KCNQ3: variants seen among roughly 807,000 people sequenced by gnomAD.
KCNQ3 encodes potassium voltage-gated channel subfamily Q member 3.
KCNQ3 carries 30 observed loss-of-function variants against 92.5 expected under a neutral mutation model. The observed-to-expected ratio is 0.32, with a 90% CI of 0.24 to 0.44. KCNQ3 has a LOEUF of 0.44. Among genes scored for constraint, KCNQ3 ranks in the 20% least tolerant of loss-of-function variants. The pLI is 1.00. For missense variants in KCNQ3, 913 were observed against 1,140.3 expected (o/e 0.80, Z 2.87); for synonymous variants, 450 against 468.8 (o/e 0.96, Z 0.52).
chr8:132,442,269 T>C (rs1347292106), intron 1 of KCNQ3, among the ~76,000 whole-genome samples: 4 of 152,126 alleles, frequency 2.6e-5, no homozygotes, highest in Non-Finnish European at 4.4e-5. Flanking sequence ...TCTTCCTCCA[T>C]ATGTATCTCA....
intron 1 of KCNQ3, among the ~76,000 whole-genome samples, chr8:132,293,932 A>G (rs1470733191): frequency 1.3e-5 from 2 of 151,622 alleles, no homozygotes; most frequent in East Asian, 2.0e-4. Context: ...TAGATTCCTC[A>G]TAGGTTCTGA....
intron 9 of KCNQ3, among the ~76,000 whole-genome samples, chr8:132,154,040 T>C (rs1403125531): frequency 6.6e-6 from 1 of 151,886 alleles, no homozygotes; most frequent in Non-Finnish European, 1.5e-5. Context: ...TCTTCATTGA[T>C]AGGTAATTGT....
chr8:132,215,991 A>G (rs1814018271), intron 1 of KCNQ3, among the ~76,000 whole-genome samples: 1 of 152,214 alleles, frequency 6.6e-6, no homozygotes, highest in Admixed American at 6.5e-5. Context: ...CTGAGAGTCT[A>G]TGATTATCAG....
At chr8:132,240,335 C>T (rs566320569) in intron 1 of KCNQ3, among the ~76,000 whole-genome samples, 7 of 152,124 alleles carry the variant, frequency 4.6e-5, no homozygotes, top group Admixed American at 2.6e-4. Context: ...TACAGGCATG[C>T]GCCACCATGC....
rs1826284078 is a variant in KCNQ3 at position 132,170,276 on chromosome 8, C to T, written c.1235+58G>A. 5.5e-6 allele frequency: 7 copies of T among 1,262,950 alleles called. No homozygotes were observed. In the South Asian group the frequency reaches 8.4e-5, roughly 15 times the overall value. The allele number at this position is 1,262,950 out of a possible 1,614,324, so 78.2% of individuals were successfully genotyped here. A position where few individuals can be genotyped will look rare whatever the true frequency, so the allele number is the denominator to read the frequency against. ...ACCCGTGAGGCCACAGACACGAATA[C>T]AGACCGCAGGAGAGATGGCTGGTCA... is the stretch of plus-strand genomic sequence containing the variant. On this transcript the variant is annotated intron_variant, in intron 8 of 14. Coordinates refer to ENST00000388996, the MANE Select transcript of KCNQ3 (RefSeq NM_004519.4).
At chr8:132,148,970 A>G (rs767849926) in intron 9 of KCNQ3, among the ~76,000 whole-genome samples, 1 of 152,234 alleles carries the variant, frequency 6.6e-6, no homozygotes, top group African/African-American at 2.4e-5. Flanking sequence ...CTCCTGTTAT[A>G]AACCTCGCTA....
At chr8:132,403,989 C>T (rs999270683) in intron 1 of KCNQ3, among the ~76,000 whole-genome samples, 15 of 152,210 alleles carry the variant, frequency 9.9e-5, no homozygotes, top group African/African-American at 3.4e-4. Flanking sequence ...TCCTGAATCA[C>T]TTCTCCCTGA....
intron 1 of KCNQ3, among the ~76,000 whole-genome samples, chr8:132,383,683 T>G (rs375931122): frequency 4.6e-5 from 7 of 152,318 alleles, no homozygotes; most frequent in African/African-American, 1.4e-4. Flanking sequence ...GCCTGGTACA[T>G]GCACACACAG....
At chr8:132,320,622 C>T (rs1048076594) in intron 1 of KCNQ3, among the ~76,000 whole-genome samples, 4 of 152,092 alleles carry the variant, frequency 2.6e-5, no homozygotes, top group African/African-American at 9.7e-5. Flanking sequence ...AGCTCCCACT[C>T]TACTCAGAGG....
intron 1 of KCNQ3, among the ~76,000 whole-genome samples, chr8:132,338,565 T>G (rs763839658): frequency 1.2e-4 from 19 of 152,226 alleles, no homozygotes; most frequent in Admixed American, 3.9e-4. Context: ...GTTTTGATCA[T>G]GGCTCTTTGG....
chr8:132,143,071 A>C (rs1825347958), intron 9 of KCNQ3, among the ~76,000 whole-genome samples: 1 of 152,194 alleles, frequency 6.6e-6, no homozygotes, highest in Admixed American at 6.5e-5. Flanking sequence ...TGAGTATATG[A>C]ATGAGCAGTG....
intron 1 of KCNQ3, among the ~76,000 whole-genome samples, chr8:132,245,890 T>C (rs758706729): frequency 1.3e-5 from 2 of 152,168 alleles, no homozygotes; most frequent in Non-Finnish European, 2.9e-5. Context: ...AGGATCTACA[T>C]CTTATTTATC....
intron 1 of KCNQ3, among the ~76,000 whole-genome samples, chr8:132,411,301 T>C (rs892736489): frequency 2.6e-5 from 4 of 151,864 alleles, no homozygotes; most frequent in Non-Finnish European, 5.9e-5. Context: ...ACCTGGAGAG[T>C]GTACTGTCCC....
intron 6 of KCNQ3, among the ~76,000 whole-genome samples, chr8:132,173,183 T>C (rs996674164): frequency 2.6e-5 from 4 of 152,234 alleles, no homozygotes; most frequent in African/African-American, 4.8e-5. Flanking sequence ...AATTGGGATC[T>C]GTTTTGATTT....
intron 1 of KCNQ3, among the ~76,000 whole-genome samples, chr8:132,441,150 C>T (rs1821525409): frequency 6.6e-6 from 1 of 152,222 alleles, no homozygotes; most frequent in South Asian, 2.1e-4. Flanking sequence ...TTCCCACCCC[C>T]AACACTTGAA....
At chr8:132,136,141 AAAAAAG>A in intron 12 of KCNQ3, among the ~76,000 whole-genome samples, 1 of 149,916 alleles carries the variant, frequency 6.7e-6, no homozygotes, top group Non-Finnish European at 1.5e-5. Context: ...AAAAAAAAAA[AAAAAAG>A]AAAAGAGAAA....
chr8:132,455,208 G>A (rs1433176288), intron 1 of KCNQ3, among the ~76,000 whole-genome samples: 1 of 152,134 alleles, frequency 6.6e-6, no homozygotes, highest in African/African-American at 2.4e-5. Flanking sequence ...TCGGGTTCAA[G>A]TGATTCTCCT....
chr8:132,210,512 G>A (rs1054846777), intron 1 of KCNQ3, among the ~76,000 whole-genome samples: 8 of 152,048 alleles, frequency 5.3e-5, no homozygotes, highest in African/African-American at 9.7e-5. Context: ...AAATTACCCC[G>A]AACATGGCAG....
At chr8:132,230,464 A>T (rs1457269305) in intron 1 of KCNQ3, among the ~76,000 whole-genome samples, 1 of 151,512 alleles carries the variant, frequency 6.6e-6, no homozygotes, top group Non-Finnish European at 1.5e-5. Context: ...AGAGAGAGAG[A>T]GAGAGAGAGA....
Sources: gnomAD v4.1 joint callset for allele counts (sites outside exome capture counted in the v4.1 genomes callset) on GRCh38, gnomAD v4.1.1 for gene constraint, MANE v1.5 for transcripts, NCBI Gene and HGNC (gene_info 2026-07-23, HGNC 2026-07-21) for gene names.